Variants in CNTN5 observed in about 807,000 individuals in gnomAD.
The protein encoded by CNTN5 is contactin-5.
In CNTN5, 77 loss-of-function variants were observed where a neutral mutation model predicts 129.1. The observed-to-expected ratio is 0.60, with a 90% CI of 0.50 to 0.72. The LOEUF (loss-of-function observed/expected upper bound fraction) is 0.72. Among genes scored for constraint, CNTN5 ranks in the 30% least tolerant of loss-of-function variants. The probability of loss-of-function intolerance (pLI) is 0.00; values close to 1 mark genes in which losing one functional copy is unlikely to be tolerated. For synonymous variants in CNTN5, 509 were observed against 465.6 expected (o/e 1.09, Z -1.20); for missense variants, 1,478 against 1,328.8 (o/e 1.11, Z -1.75).
chr11:99,129,045 G>T lies in CNTN5; in HGVS notation c.-210+107775G>T, dbSNP rs146139027. On this transcript the variant is annotated intron_variant, in intron 1 of 24. Coordinates refer to ENST00000524871, the MANE Select transcript of CNTN5 (RefSeq NM_014361.4). ...GCTGAAAATTTCAAAAGCCAGAAAT[G>T]CCTCTTCTTCTCCAAACACTTCTCC... Among the ~76,000 whole-genome samples the T allele has an allele frequency of 3.8e-3, 577 of 152,280 alleles. 3 individuals are homozygous for T. The highest frequency in any genetic ancestry group is 0.01 in the South Asian group (49 of 4,822).
At chr11:99,793,887 C>A (rs1591192754) in intron 3 of CNTN5, among the ~76,000 whole-genome samples, 1 of 152,126 alleles carries the variant, frequency 6.6e-6, no homozygotes, top group Admixed American at 6.5e-5. Flanking sequence ...AATACATAAT[C>A]TATTGTTTTT....
At chr11:99,838,682 T>G (rs570133866) in intron 4 of CNTN5, among the ~76,000 whole-genome samples, 1 of 152,300 alleles carries the variant, frequency 6.6e-6, no homozygotes, top group Admixed American at 6.5e-5. Context: ...GTGATTGTTG[T>G]TAGGCCTCAG....
chr11:99,279,423 A>G (rs949813584), intron 1 of CNTN5, among the ~76,000 whole-genome samples: 8 of 151,828 alleles, frequency 5.3e-5, no homozygotes, highest in African/African-American at 1.9e-4. Flanking sequence ...AGACTAATCA[A>G]TCTAATTCCA....
chr11:99,431,777 A>G (rs1038595882), intron 2 of CNTN5, among the ~76,000 whole-genome samples: 2 of 152,208 alleles, frequency 1.3e-5, no homozygotes, highest in African/African-American at 4.8e-5. Context: ...CACAGGAACA[A>G]TCTGTGATCC....
At chr11:99,805,971 T>A (rs1012346818) in intron 3 of CNTN5, among the ~76,000 whole-genome samples, 1 of 152,188 alleles carries the variant, frequency 6.6e-6, no homozygotes. Context: ...TAAAGAAATA[T>A]TTGGACAGCA....
intron 13 of CNTN5, among the ~76,000 whole-genome samples, chr11:100,131,134 T>C (rs1280292410): frequency 6.6e-6 from 1 of 151,976 alleles, no homozygotes; most frequent in Non-Finnish European, 1.5e-5. Context: ...TTATTTACCG[T>C]TTAAGAGGTT....
intron 1 of CNTN5, among the ~76,000 whole-genome samples, chr11:99,256,763 A>G (rs2135810296): frequency 6.6e-6 from 1 of 152,188 alleles, no homozygotes; most frequent in African/African-American, 2.4e-5. Context: ...AACAGAACAA[A>G]TTAATGAAAC....
chr11:99,774,284 AC>A (rs1945043932), intron 3 of CNTN5, among the ~76,000 whole-genome samples: 2 of 151,658 alleles, frequency 1.3e-5, no homozygotes, highest in South Asian at 4.2e-4. Flanking sequence ...AAAAAAAAAA[AC>A]CAAGTAATTT....
At chr11:99,852,730 T>C (rs1370736409) in intron 6 of CNTN5, among the ~76,000 whole-genome samples, 1 of 152,186 alleles carries the variant, frequency 6.6e-6, no homozygotes, top group Non-Finnish European at 1.5e-5. Flanking sequence ...TAGTGCTCTT[T>C]TGTTTTGCTT....
chr11:99,519,903 G>A (rs1399675552), intron 2 of CNTN5, among the ~76,000 whole-genome samples: 1 of 152,014 alleles, frequency 6.6e-6, no homozygotes, highest in Non-Finnish European at 1.5e-5. Context: ...GGAATCAGGA[G>A]AATTCCAGAC....
Position 99,957,152 on chromosome 11 carries a change from G to A in CNTN5, c.877+143G>A, listed in dbSNP as rs1022549168. The A allele has an allele frequency of 1.7e-5, 12 of 708,128 alleles. No individual in the cohort carries two copies. The African/African-American group carries it at 2.2e-4, about 13-fold the overall frequency. The allele number at this position is 708,128 out of a possible 1,614,324, so 43.9% of individuals were successfully genotyped here. On this transcript the variant is annotated intron_variant, in intron 8 of 24. Transcript: ENST00000524871. ...CCATATTTAGACACTACATTTTTAG[G>A]CCAGGATTTTGCATGCCTTAGAATA...
chr11:99,552,065 G>A (rs1242034350), intron 2 of CNTN5, among the ~76,000 whole-genome samples: 2 of 151,724 alleles, frequency 1.3e-5, no homozygotes, highest in Admixed American at 6.6e-5. Flanking sequence ...GTGCCACCAG[G>A]CCTAGCTAAT....
intron 2 of CNTN5, among the ~76,000 whole-genome samples, chr11:99,345,756 G>T (rs190694489): frequency 2.6e-4 from 40 of 152,266 alleles, no homozygotes; most frequent in Admixed American, 7.2e-4. Flanking sequence ...CTATGCATAT[G>T]TAAATTATTA....
At chr11:99,473,227 T>G (rs1039528716) in intron 2 of CNTN5, among the ~76,000 whole-genome samples, 4 of 152,190 alleles carry the variant, frequency 2.6e-5, no homozygotes, top group African/African-American at 9.6e-5. Flanking sequence ...TTGGAAAATC[T>G]TTTGATACTT....
At chr11:99,703,603 G>A (rs1954623302) in intron 3 of CNTN5, among the ~76,000 whole-genome samples, 1 of 150,812 alleles carries the variant, frequency 6.6e-6, no homozygotes, top group African/African-American at 2.4e-5. Context: ...AGTTTAAGAA[G>A]TGCACCTAAA....
intron 3 of CNTN5, among the ~76,000 whole-genome samples, chr11:99,771,852 C>T (rs1394160749): frequency 6.6e-6 from 1 of 151,742 alleles, no homozygotes; most frequent in African/African-American, 2.4e-5. Context: ...TGAGTAGCTT[C>T]CTTTATGTGT....
At chr11:99,100,182 A>G (rs1018323275) in intron 1 of CNTN5, among the ~76,000 whole-genome samples, 1 of 152,282 alleles carries the variant, frequency 6.6e-6, no homozygotes, top group Non-Finnish European at 1.5e-5. Context: ...ATCTTTCTAA[A>G]TAAATATTTT....
chr11:99,305,337 C>G lies in CNTN5; in HGVS notation c.-209-20009C>G, dbSNP rs117979258. ...TTCTAACAGAAGAGATGCTTGTTAA[C>G]ATCTGTTTGAGTTTCACAAACAGCA... On this transcript the variant is annotated intron_variant, in intron 1 of 24. Coordinates refer to ENST00000524871, the MANE Select transcript of CNTN5 (RefSeq NM_014361.4). Among the ~76,000 whole-genome samples the G allele has an allele frequency of 2.2e-3, 329 of 152,236 alleles. 1 individual carries two copies. Among genetic ancestry groups the G allele is most frequent in the Non-Finnish European group, 2.8e-3 (191 of 68,008 alleles).
chr11:99,733,683 C>A (rs1172288380), intron 3 of CNTN5, among the ~76,000 whole-genome samples: 1 of 152,108 alleles, frequency 6.6e-6, no homozygotes, highest in African/African-American at 2.4e-5. Context: ...ATCAAATCAG[C>A]CTGCTGGTGC....
Sources: gnomAD v4.1 joint callset for allele counts (sites outside exome capture counted in the v4.1 genomes callset) on GRCh38, gnomAD v4.1.1 for gene constraint, MANE v1.5 for transcripts, NCBI Gene and HGNC (gene_info 2026-07-23, HGNC 2026-07-21) for gene names.